Variants in RIN2 observed in about 807,000 individuals in gnomAD.
RIN2 encodes Ras and Rab interactor 2.
In RIN2, 36 loss-of-function variants were observed where a neutral mutation model predicts 78.0. The observed-to-expected ratio is 0.46, with a 90% CI of 0.35 to 0.61. The LOEUF (loss-of-function observed/expected upper bound fraction) is 0.61. Among genes scored for constraint, RIN2 ranks in the 20% least tolerant of loss-of-function variants. The pLI, the probability that RIN2 is intolerant of heterozygous loss-of-function variation, is 0.00. For synonymous variants in RIN2, 466 were observed against 466.8 expected (o/e 1.00, Z 0.02); for missense variants, 1,087 against 1,159.7 (o/e 0.94, Z 0.91).
chr20:19,910,799 C>G (rs1339704975), intron 3 of RIN2, among the ~76,000 whole-genome samples: 1 of 151,942 alleles, frequency 6.6e-6, no homozygotes, highest in Admixed American at 6.6e-5. Flanking sequence ...AACTCTTGAC[C>G]TCAAGTGATC....
chr20:19,906,193 T>C (rs1284358780), intron 3 of RIN2, among the ~76,000 whole-genome samples: 2 of 152,206 alleles, frequency 1.3e-5, no homozygotes, highest in Non-Finnish European at 2.9e-5. Context: ...ATTACACTTG[T>C]AATCCCAGCA....
rs1238584677 is a variant in RIN2 at position 19,843,853 on chromosome 20, AT to A, written c.-37+44107del. 4.6e-5 allele frequency among the ~76,000 whole-genome samples: 7 copies of A among 152,230 alleles called. No individual in the cohort carries two copies. In the South Asian group the frequency reaches 1.0e-3, roughly 22 times the overall value. On this transcript the variant is annotated intron_variant, in intron 2 of 12. Transcript: ENST00000255006. ...AAGTAAAAAGTTATTCTGAAAAAAA[AT>A]AACCTTTAGTCCTCAAAATGATTTC...
At position 19,988,690 on chromosome 20, in the gene RIN2, A is replaced by G. The variant is rs6112700; in HGVS notation, c.1763-1316A>G. ...AGCTACTCCACTGGGAAACCATTCA[A>G]TGAAGGAGGGAAGAATAACGCCTCC... On this transcript the variant is annotated intron_variant, in intron 9 of 12. Transcript: ENST00000255006. Among the ~76,000 whole-genome samples the G allele has an allele frequency of 3.4e-3, 521 of 152,314 alleles. 4 individuals are homozygous for G. The highest frequency in any genetic ancestry group is 0.012 in the African/African-American group (502 of 41,574).
At chr20:19,933,529 G>A (rs2040516403) in intron 3 of RIN2, among the ~76,000 whole-genome samples, 2 of 152,114 alleles carry the variant, frequency 1.3e-5, no homozygotes, top group South Asian at 4.2e-4. Context: ...GTGTCTTTCT[G>A]CCCCACCAGA....
chr20:19,988,909 ACACACACACACGCGTG>A (rs2042706012), intron 9 of RIN2, among the ~76,000 whole-genome samples: 2 of 151,940 alleles, frequency 1.3e-5, no homozygotes, highest in Admixed American at 1.3e-4. Flanking sequence ...CTTCACACAC[ACACACACACACGCGTG>A]CACACACACA....
At chr20:19,947,018 G>C (rs2041123328) in intron 4 of RIN2, among the ~76,000 whole-genome samples, 1 of 132,510 alleles carries the variant, frequency 7.5e-6, no homozygotes, top group African/African-American at 2.9e-5. Context: ...GTGTCAGACT[G>C]TCTTAAAAAA....
At position 19,835,753 on chromosome 20, in the gene RIN2, T is replaced by A. The variant is rs192047298; in HGVS notation, c.-37+36006T>A. 2.6e-3 allele frequency among the ~76,000 whole-genome samples: 390 copies of A among 152,340 alleles called. 3 individuals are homozygous for A. Among genetic ancestry groups the A allele is most frequent in the African/African-American group, 8.6e-3 (358 of 41,582 alleles). Reference sequence around the variant, plus strand: ...GAGTGGATGCTCAGAATTATTTAAATTTTTTCAAGCTTTTTTCAAGCACTC... The same window carrying A: ...GAGTGGATGCTCAGAATTATTTAAAATTTTTCAAGCTTTTTTCAAGCACTC... On this transcript the variant is annotated intron_variant, in intron 2 of 12. Transcript: ENST00000255006.
chr20:19,925,841 G>A (rs896401163), intron 3 of RIN2, among the ~76,000 whole-genome samples: 1 of 152,200 alleles, frequency 6.6e-6, no homozygotes, highest in African/African-American at 2.4e-5. Flanking sequence ...CCTGCTACAT[G>A]CATAGGCTCC....
At chr20:19,784,705 C>G (rs2034616412) in intron 1 of RIN2, among the ~76,000 whole-genome samples, 1 of 152,088 alleles carries the variant, frequency 6.6e-6, no homozygotes, top group Non-Finnish European at 1.5e-5. Flanking sequence ...GCTCCGGAGC[C>G]CGCCCCTGTC....
chr20:19,808,493 C>T lies in RIN2; in HGVS notation c.-37+8746C>T, dbSNP rs188704395. On this transcript the variant is annotated intron_variant, in intron 2 of 12. Transcript: ENST00000255006. ...TCTGCCATGAGCTCTTTCCACTCCCCGAAGGCCCTGTATAAGTAATGTCAT... is the reference window on the plus strand; with the variant it reads ...TCTGCCATGAGCTCTTTCCACTCCCTGAAGGCCCTGTATAAGTAATGTCAT... 1.2e-3 allele frequency among the ~76,000 whole-genome samples: 181 copies of T among 152,326 alleles called. 1 individual carries two copies. Among genetic ancestry groups the T allele is most frequent in the African/African-American group, 3.7e-3 (154 of 41,574 alleles).
intron 2 of RIN2, among the ~76,000 whole-genome samples, chr20:19,811,641 C>T (rs897858761): frequency 6.6e-6 from 1 of 152,128 alleles, no homozygotes. Flanking sequence ...TGTATGCCTA[C>T]AAGGTCTTTG....
At chr20:19,834,150 G>A (rs1030760717) in intron 2 of RIN2, among the ~76,000 whole-genome samples, 1 of 152,162 alleles carries the variant, frequency 6.6e-6, no homozygotes, top group African/African-American at 2.4e-5. Flanking sequence ...AGTACAGACT[G>A]TCAGAGCCTA....
chr20:19,897,950 G>A (rs960893578), intron 3 of RIN2, among the ~76,000 whole-genome samples: 1 of 152,166 alleles, frequency 6.6e-6, no homozygotes, highest in Non-Finnish European at 1.5e-5. Context: ...TTGGGCTCAA[G>A]TGACCCTCCT....
At chr20:19,844,601 C>CTCTTCTTCTTCTTCT (rs1181481041) in intron 2 of RIN2, among the ~76,000 whole-genome samples, 31 of 123,116 alleles carry the variant, frequency 2.5e-4, no homozygotes, top group Non-Finnish European at 3.5e-4. Context: ...CTGCTTCTTC[C>CTCTTCTTCTTCTTCT]TCTTCTTCTT....
intron 4 of RIN2, among the ~76,000 whole-genome samples, chr20:19,954,543 T>C (rs949907198): frequency 6.6e-6 from 1 of 152,176 alleles, no homozygotes; most frequent in African/African-American, 2.4e-5. Context: ...GGGCTTGACC[T>C]TGAGCAAGAT....
At chr20:19,983,726 C>A (rs13045140) in intron 9 of RIN2, among the ~76,000 whole-genome samples, 42,729 of 151,978 alleles carry the variant, frequency 0.28, 6,327 homozygotes, top group East Asian at 0.53. Context: ...TTCTAACATG[C>A]ATATGTTGCG....
intron 2 of RIN2, among the ~76,000 whole-genome samples, chr20:19,834,520 GCTC>G (rs1167051075): frequency 6.6e-6 from 1 of 152,084 alleles, no homozygotes; most frequent in Non-Finnish European, 1.5e-5. Context: ...TCCCTGACAG[GCTC>G]CTCCTCCTGC....
chr20:19,951,321 G>GT (rs1480354666), intron 4 of RIN2, among the ~76,000 whole-genome samples: 1 of 152,100 alleles, frequency 6.6e-6, no homozygotes, highest in Non-Finnish European at 1.5e-5. Context: ...CATTTTTGAA[G>GT]TTTTGGCCAT....
chr20:19,811,432 C>A (rs1329136428), intron 2 of RIN2, among the ~76,000 whole-genome samples: 1 of 152,032 alleles, frequency 6.6e-6, no homozygotes, highest in African/African-American at 2.4e-5. Flanking sequence ...GCCACCCATG[C>A]GTGATTCAAG....
Sources: gnomAD v4.1 joint callset for allele counts (sites outside exome capture counted in the v4.1 genomes callset) on GRCh38, gnomAD v4.1.1 for gene constraint, MANE v1.5 for transcripts, NCBI Gene and HGNC (gene_info 2026-07-23, HGNC 2026-07-21) for gene names.